The following PARP1 variants were observed in gnomAD, a reference collection of about 807,000 sequenced individuals.
PARP1 encodes poly [ADP-ribose] polymerase 1.
A neutral mutation model predicts 118.7 loss-of-function variants in PARP1; 44 were observed. The observed-to-expected ratio is 0.37, with a 90% CI of 0.29 to 0.48. The LOEUF (loss-of-function observed/expected upper bound fraction) is 0.48, where lower values mean the gene tolerates loss of function less well. Among genes scored for constraint, PARP1 ranks in the 20% least tolerant of loss-of-function variants. The pLI, the probability that PARP1 is intolerant of heterozygous loss-of-function variation, is 0.99. For missense variants in PARP1, 1,100 were observed against 1,272.4 expected (o/e 0.86, Z 2.06); for synonymous variants, 492 against 483.2 (o/e 1.02, Z -0.24).
At position 226,379,959 on chromosome 1, in the gene PARP1, C is replaced by T. The variant is rs774032610; in HGVS notation, c.1506G>A (p.Ala502=). 7 of 1,613,950 alleles carry T rather than the reference C, an allele frequency of 4.3e-6. No individual in the cohort carries two copies. Among genetic ancestry groups the T allele is most frequent in the South Asian group, 3.3e-5 (3 of 91,078 alleles). Residue 502 remains alanine, a synonymous_variant, in exon 10 of 23, where the codon GCG becomes GCA. Transcript: ENST00000366794. The stretch of plus-strand genomic sequence containing the variant: ...CCTGGCCCTTGCTTTTTTTGGAGAG[C>T]GCAGCCCCTGACTTCCCTCTTGGGG... ...VVAPRGKSGA[A]LSKKSKGQVK...
intron 1 of PARP1, among the ~76,000 whole-genome samples, chr1:226,407,062 G>T (rs1665163486): frequency 6.6e-6 from 1 of 152,132 alleles, no homozygotes. Context: ...GAAATGACAG[G>T]GGCCTTCAAG....
In PARP1 at chr1:226,380,036, T is replaced by C; in HGVS notation, c.1429A>G (p.Ile477Val). Reference sequence around the variant, plus strand: ...ACCTCTGCCCCCCAAGGGGACAAGATGTGCGCTAAGAACAACTCCTGAAGG... The same window carrying C: ...ACCTCTGCCCCCCAAGGGGACAAGACGTGCGCTAAGAACAACTCCTGAAGG... ...KSLQELFLAH[I>V]LSPWGAEVKA... The change falls in exon 10 of 23, where the codon ATC becomes GTC. Residue 477 changes from isoleucine to valine, a missense_variant. Physicochemically the swap from Ile to Val is conservative, Grantham distance 29. Coordinates refer to ENST00000366794, the MANE Select transcript of PARP1 (RefSeq NM_001618.4). 3 of 1,614,222 alleles carry C rather than the reference T, an allele frequency of 1.9e-6. No individual in the cohort carries two copies. Among genetic ancestry groups the C allele is most frequent in the Non-Finnish European group, 2.5e-6 (3 of 1,180,038 alleles).
intron 2 of PARP1, 85 bp from the exon 3 acceptor site, chr1:226,392,399 G>T (rs1664837698): frequency 3.3e-6 from 3 of 910,244 alleles, no homozygotes; most frequent in Non-Finnish European, 5.5e-6. Context: ...TACCTCCCCA[G>T]GATCCTTCCA....
At chr1:226,379,784 C>T (rs900251941) in intron 10 of PARP1, 138 bp downstream of exon 10, 20 of 1,436,788 alleles carry the variant, frequency 1.4e-5, no homozygotes, top group East Asian at 4.5e-5. Context: ...CACCCCAAAG[C>T]GCCTGCCATT....
At position 226,386,131 on chromosome 1, in the gene PARP1, G is replaced by A. The variant is rs3219056; in HGVS notation, c.834+195C>T. On this transcript the variant is annotated intron_variant, in intron 6 of 22. Coordinates refer to ENST00000366794, the MANE Select transcript of PARP1 (RefSeq NM_001618.4). ...ATGTCTGGTGGGGCGTGTGAATGCC[G>A]GCCCCATCCACCCCGGAAAAATGGT... 3.1e-3 allele frequency among the ~76,000 whole-genome samples: 473 copies of A among 152,288 alleles called. 24 individuals carry two copies. In the South Asian group the frequency reaches 0.081, roughly 26 times the overall value.
At chr1:226,364,858 G>A in intron 19 of PARP1, 144 bp downstream of exon 19, 2 of 916,914 alleles carry the variant, frequency 2.2e-6, no homozygotes, top group Non-Finnish European at 3.5e-6. Context: ...CAGGGTTAGG[G>A]TCAGGAGGAT....
rs947539772 is a variant in PARP1 at position 226,375,168 on chromosome 1, A to T, written c.1942-814T>A. On this transcript the variant is annotated intron_variant, in intron 13 of 22. Transcript: ENST00000366794. ...TACCCAAGAGCTAACTTGCGTTGTT[A>T]GTGTTCATGGCTGCTGCTGTCACCT... 3.3e-5 allele frequency among the ~76,000 whole-genome samples: 5 copies of T among 152,192 alleles called. 1 individual carries two copies. The highest frequency in any genetic ancestry group is 3.3e-4 in the Admixed American group (5 of 15,278).
At chr1:226,406,068 A>G (rs1363487024) in intron 1 of PARP1, among the ~76,000 whole-genome samples, 1 of 152,238 alleles carries the variant, frequency 6.6e-6, no homozygotes, top group Non-Finnish European at 1.5e-5. Flanking sequence ...AACAAGATCT[A>G]GTACAGCCTC....
chr1:226,361,599 C>T (rs1421051454), intron 22 of PARP1, 58 bp from the exon 23 acceptor site: 14 of 1,196,142 alleles, frequency 1.2e-5, no homozygotes, highest in Non-Finnish European at 1.6e-5. Flanking sequence ...TGTACATGTG[C>T]CTCATCTCCC....
At chr1:226,396,903 G>C (rs1179642064) in intron 2 of PARP1, among the ~76,000 whole-genome samples, 17 of 151,782 alleles carry the variant, frequency 1.1e-4, no homozygotes. Context: ...TATGTACTCA[G>C]GTATATTTAA....
intron 2 of PARP1, among the ~76,000 whole-genome samples, chr1:226,401,492 G>A (rs1273859359): frequency 6.6e-6 from 1 of 152,224 alleles, no homozygotes; most frequent in African/African-American, 2.4e-5. Flanking sequence ...TCATCAGATT[G>A]TTGTCACAGA....
intron 13 of PARP1, 142 bp from the exon 14 acceptor site, chr1:226,374,496 T>C (rs1664453372): frequency 1.1e-6 from 1 of 891,892 alleles, no homozygotes. Context: ...CAAAAAGGTG[T>C]GGAAAACAGT....
chr1:226,382,909 C>T (rs1327428022), intron 8 of PARP1, 127 bp downstream of exon 8: 5 of 1,072,536 alleles, frequency 4.7e-6, no homozygotes, highest in South Asian at 3.8e-5. Context: ...GCAAGGCTTC[C>T]CCATGGTGGG....
At chr1:226,402,736 T>C (rs1665062246) in intron 1 of PARP1, among the ~76,000 whole-genome samples, 1 of 152,158 alleles carries the variant, frequency 6.6e-6, no homozygotes, top group African/African-American at 2.4e-5. Flanking sequence ...CATGGCCTAG[T>C]GAAATGCACA....
chr1:226,364,525 TCTCTC>T (rs1027172904), intron 19 of PARP1, among the ~76,000 whole-genome samples: 3 of 152,200 alleles, frequency 2.0e-5, no homozygotes, highest in African/African-American at 7.2e-5. Flanking sequence ...CATTTAAACT[TCTCTC>T]CTCCTCATTC....
chr1:226,368,090 C>G (rs1664306373), intron 16 of PARP1, 109 bp downstream of exon 16: 6 of 1,461,518 alleles, frequency 4.1e-6, no homozygotes, highest in Non-Finnish European at 5.7e-6. Flanking sequence ...AGAGGGTGGC[C>G]CTCCCAGCAT....
chr1:226,394,997 T>C (rs1664888302), intron 2 of PARP1, among the ~76,000 whole-genome samples: 1 of 152,180 alleles, frequency 6.6e-6, no homozygotes, highest in South Asian at 2.1e-4. Flanking sequence ...CTGTAACTTT[T>C]AACATGAGAA....
In PARP1 at chr1:226,390,528, T is replaced by C. The variant is rs1576399899; in HGVS notation, c.499A>G (p.Arg167Gly). 1 of 1,614,198 alleles carries C rather than the reference T, an allele frequency of 6.2e-7. No individual in the cohort carries two copies. Among genetic ancestry groups the C allele is most frequent in the East Asian group, 2.2e-5 (1 of 44,892 alleles). The change falls in exon 4 of 23, where the codon AGG becomes GGG. Residue 167 changes from arginine (R) to glycine (G), a missense_variant. Physicochemically the swap from Arg to Gly is moderately radical, Grantham distance 125 (BLOSUM62 -2). Coordinates refer to ENST00000366794, the MANE Select transcript of PARP1 (RefSeq NM_001618.4). ...WYHPGCFVKN[R>G]EELGFRPEYS... is the part of the protein sequence containing the mutation. ...TCGGGCCGGAAACCCAGCTCCTCCC[T>C]GTTCTTGACAAAGCAGCCTGGATGG...
chr1:226,401,552 G>A (rs535737631), intron 2 of PARP1, among the ~76,000 whole-genome samples: 6 of 152,212 alleles, frequency 3.9e-5, no homozygotes, highest in Non-Finnish European at 5.9e-5. Flanking sequence ...AACTGATATG[G>A]CACACTGGTG....
Sources: gnomAD v4.1 joint callset for allele counts (sites outside exome capture counted in the v4.1 genomes callset) on GRCh38, gnomAD v4.1.1 for gene constraint, MANE v1.5 for transcripts, NCBI Gene and HGNC (gene_info 2026-07-23, HGNC 2026-07-21) for gene names.